ADK: variants seen among roughly 807,000 people sequenced by gnomAD.
ADK encodes adenosine kinase.
Under a neutral mutation model 44.7 loss-of-function variants are expected in ADK, and 24 were observed. The observed-to-expected ratio is 0.54, with a 90% CI of 0.39 to 0.76. The LOEUF (loss-of-function observed/expected upper bound fraction) is 0.76. Among genes scored for constraint, ADK ranks in the 30% least tolerant of loss-of-function variants. The probability of loss-of-function intolerance (pLI) is 0.00; values close to 1 mark genes in which losing one functional copy is unlikely to be tolerated. For missense variants in ADK, 321 were observed against 425.1 expected, an observed-to-expected ratio of 0.76 and a Z score of 2.15; for synonymous variants, 128 against 142.6, an observed-to-expected ratio of 0.90 and a Z score of 0.73.
At chr10:74,157,986 T>C (rs1841799467) in intron 1 of ADK, among the ~76,000 whole-genome samples, 1 of 151,810 alleles carries the variant, frequency 6.6e-6, no homozygotes, top group Non-Finnish European at 1.5e-5. Context: ...TGGCTGAGAA[T>C]TTACCAAAAT....
At chr10:74,282,234 CTCT>C (rs1442350100) in intron 3 of ADK, among the ~76,000 whole-genome samples, 1 of 152,122 alleles carries the variant, frequency 6.6e-6, no homozygotes, top group African/African-American at 2.4e-5. Flanking sequence ...ACCAAAAAAT[CTCT>C]TATTGAACTA....
intron 2 of ADK, among the ~76,000 whole-genome samples, chr10:74,213,312 A>G (rs973986427): frequency 3.3e-5 from 5 of 152,114 alleles, no homozygotes; most frequent in African/African-American, 9.7e-5. Flanking sequence ...GGGTCTCACT[A>G]TGTTGCCCAG....
At chr10:74,597,019 C>G (rs1255853146) in intron 8 of ADK, among the ~76,000 whole-genome samples, 1 of 152,124 alleles carries the variant, frequency 6.6e-6, no homozygotes, top group Non-Finnish European at 1.5e-5. Context: ...CTTACTCCTC[C>G]CTGTCTTCAT....
chr10:74,565,499 G>A (rs1012275778), intron 7 of ADK, among the ~76,000 whole-genome samples: 4 of 151,594 alleles, frequency 2.6e-5, no homozygotes, highest in South Asian at 2.1e-4. Flanking sequence ...AGGCTGAGGC[G>A]GGCAGATCAC....
chr10:74,637,329 A>C (rs996148140), intron 9 of ADK, among the ~76,000 whole-genome samples: 2 of 152,232 alleles, frequency 1.3e-5, no homozygotes, highest in Non-Finnish European at 2.9e-5. Flanking sequence ...AAAAGAAAAA[A>C]AAATGCCTTG....
intron 6 of ADK, among the ~76,000 whole-genome samples, chr10:74,469,502 A>G (rs1229674876): frequency 1.3e-5 from 2 of 152,256 alleles, no homozygotes; most frequent in East Asian, 3.9e-4. Flanking sequence ...AGCTAGGACT[A>G]CAGGCACACA....
chr10:74,680,202 C>A (rs893506203), intron 10 of ADK, among the ~76,000 whole-genome samples: 22 of 151,514 alleles, frequency 1.5e-4, no homozygotes, highest in Non-Finnish European at 3.1e-4. Flanking sequence ...GTAGTCCCAG[C>A]TACTCGGGAG....
chr10:74,632,556 G>GT (rs1853479665), intron 9 of ADK, among the ~76,000 whole-genome samples: 1 of 152,030 alleles, frequency 6.6e-6, no homozygotes, highest in Admixed American at 6.6e-5. Flanking sequence ...TATCACTTCA[G>GT]TATTTGCCTC....
At chr10:74,158,244 A>T (rs1841808687) in intron 1 of ADK, among the ~76,000 whole-genome samples, 1 of 152,188 alleles carries the variant, frequency 6.6e-6, no homozygotes, top group African/African-American at 2.4e-5. Flanking sequence ...TCTTGCTTTT[A>T]AGTTGGAGAG....
In ADK at chr10:74,305,720, T is replaced by TCTTTC. The variant is rs144263118; in HGVS notation, c.195-8937_195-8933dup. ...AATTTTTAAGCCATTTTTTTTTCTTTCTTTCCTTTCCTTTTCCTTTTTTAG... is the reference window on the plus strand; with the variant it reads ...AATTTTTAAGCCATTTTTTTTTCTTTCTTTCCTTTCCTTTCCTTTTCCTTTTTTAG... On this transcript the variant is annotated intron_variant, in intron 3 of 10. Transcript: ENST00000539909. Among the ~76,000 whole-genome samples the TCTTTC allele has an allele frequency of 4.9e-3, 739 of 152,220 alleles. 10 individuals carry two copies. The highest frequency in any genetic ancestry group is 0.017 in the African/African-American group (688 of 41,508).
At position 74,188,078 on chromosome 10, in the gene ADK, A is replaced by C. The variant is rs1311086658; in HGVS notation, c.66-12686A>C. 2.6e-5 allele frequency among the ~76,000 whole-genome samples: 4 copies of C among 152,330 alleles called. No individual in the cohort carries two copies. The East Asian group carries it at 7.7e-4, about 29-fold the overall frequency. ...TACTTTAGCTGATATATAAGCATTC[A>C]GGTTCTTCACTTTTTCCTGTGGCAG... On this transcript the variant is annotated intron_variant, in intron 1 of 10. Coordinates refer to ENST00000539909, the MANE Select transcript of ADK (RefSeq NM_006721.4).
intron 3 of ADK, among the ~76,000 whole-genome samples, chr10:74,254,042 C>T (rs1294361344): frequency 6.6e-6 from 1 of 152,124 alleles, no homozygotes; most frequent in Non-Finnish European, 1.5e-5. Context: ...GCTGGGATTA[C>T]AGGTGTGAGA....
chr10:74,435,408 G>A (rs1845148934), intron 6 of ADK, among the ~76,000 whole-genome samples: 1 of 152,114 alleles, frequency 6.6e-6, no homozygotes, highest in African/African-American at 2.4e-5. Context: ...AAAAAATGTT[G>A]TGTGTTATCC....
chr10:74,451,420 G>T (rs887949230), intron 6 of ADK, among the ~76,000 whole-genome samples: 5 of 152,058 alleles, frequency 3.3e-5, no homozygotes, highest in Admixed American at 2.6e-4. Context: ...GGAACAATTT[G>T]CTGAGTTCTT....
intron 2 of ADK, among the ~76,000 whole-genome samples, chr10:74,218,011 A>T (rs1222966462): frequency 6.6e-6 from 1 of 152,248 alleles, no homozygotes; most frequent in African/African-American, 2.4e-5. Context: ...AATGGAACAA[A>T]GCTGGACGGA....
chr10:74,373,535 A>G (rs1036789627), intron 4 of ADK, among the ~76,000 whole-genome samples: 9 of 152,184 alleles, frequency 5.9e-5, no homozygotes, highest in Admixed American at 5.9e-4. Context: ...CCAAAAGAAG[A>G]TATACAAATG....
intron 4 of ADK, among the ~76,000 whole-genome samples, chr10:74,315,625 CTT>C (rs1840592489): frequency 6.6e-6 from 1 of 152,184 alleles, no homozygotes; most frequent in African/African-American, 2.4e-5. Flanking sequence ...CACTAGATTT[CTT>C]TTTCTTTTTT....
At chr10:74,303,253 A>G (rs1230558578) in intron 3 of ADK, among the ~76,000 whole-genome samples, 1 of 152,212 alleles carries the variant, frequency 6.6e-6, no homozygotes, top group Non-Finnish European at 1.5e-5. Context: ...TCTTGTGCTT[A>G]TTTTAAAATT....
intron 9 of ADK, among the ~76,000 whole-genome samples, chr10:74,629,304 G>T (rs1485012931): frequency 2.6e-5 from 4 of 152,070 alleles, no homozygotes; most frequent in African/African-American, 9.7e-5. Flanking sequence ...CACTGGGATT[G>T]CAGGGCACCC....
Sources: gnomAD v4.1 joint callset for allele counts (sites outside exome capture counted in the v4.1 genomes callset) on GRCh38, gnomAD v4.1.1 for gene constraint, MANE v1.5 for transcripts, NCBI Gene and HGNC (gene_info 2026-07-23, HGNC 2026-07-21) for gene names.